MRPL1: variants seen among roughly 807,000 people sequenced by gnomAD.
MRPL1 encodes the protein mitochondrial ribosomal protein L1.
A neutral mutation model predicts 38.0 loss-of-function variants in MRPL1; 28 were observed. That is an observed-to-expected ratio of 0.74 (90% confidence interval 0.55 to 1.01). MRPL1 has a LOEUF of 1.01. MRPL1 is among the 50% of genes least tolerant of loss of function. The pLI, the probability that MRPL1 is intolerant of heterozygous loss-of-function variation, is 0.00. For missense variants in MRPL1, 358 were observed against 389.8 expected (o/e 0.92, Z 0.69); for synonymous variants, 123 against 126.7 (o/e 0.97, Z 0.20).
intron 5 of MRPL1, 64 bp downstream of exon 5, chr4:77,887,355 A>G (rs1338437800): frequency 3.8e-5 from 48 of 1,272,734 alleles, no homozygotes; most frequent in Admixed American, 2.4e-4. Context: ...CCATTCATTG[A>G]TCTGTTATAT....
rs759492096 is a variant in MRPL1, at chr4:77,949,861, A to C, written c.842A>C (p.His281Pro). ...GCAGTTATTAATGAAGTTTGTAGGC[A>C]CAGACCGCTGAATTTGGGTAAGTGG... ...LQAVINEVCR[H>P]RPLNLGPFVV... Residue 281 changes from histidine to proline, a missense_variant, in exon 8 of 9, where the codon CAC becomes CCC. By Grantham distance (77) the His-to-Pro change is moderately conservative (BLOSUM62 -2). Coordinates refer to ENST00000315567, the MANE Select transcript of MRPL1 (RefSeq NM_020236.4). 6.2e-7 allele frequency: 1 copy of C among 1,609,636 alleles called. No homozygotes were observed. The highest frequency in any genetic ancestry group is 8.5e-7 in the Non-Finnish European group (1 of 1,177,546).
intron 7 of MRPL1, among the ~76,000 whole-genome samples, chr4:77,941,967 A>G (rs1737140939): frequency 1.3e-5 from 2 of 151,650 alleles, no homozygotes; most frequent in Admixed American, 1.3e-4. Flanking sequence ...GTGACTTTAG[A>G]TTGTCTGTTT....
intron 7 of MRPL1, among the ~76,000 whole-genome samples, chr4:77,925,405 G>A (rs1193185341): frequency 1.3e-5 from 2 of 150,688 alleles, no homozygotes; most frequent in East Asian, 3.9e-4. Flanking sequence ...AGTCTGGAGT[G>A]CAGTGGTGTG....
intron 7 of MRPL1, among the ~76,000 whole-genome samples, chr4:77,949,013 C>T (rs1376766459): frequency 6.6e-6 from 1 of 152,144 alleles, no homozygotes; most frequent in Non-Finnish European, 1.5e-5. Context: ...TCAGGTGATT[C>T]GCCTGCCTTG....
chr4:77,874,424 T>TC (rs1448165119), intron 2 of MRPL1, among the ~76,000 whole-genome samples: 1 of 152,216 alleles, frequency 6.6e-6, no homozygotes, highest in Non-Finnish European at 1.5e-5. Context: ...ACATTTTTCT[T>TC]TCCATTCTTT....
intron 6 of MRPL1, among the ~76,000 whole-genome samples, chr4:77,894,747 G>A (rs1416842646): frequency 1.3e-5 from 2 of 152,096 alleles, no homozygotes; most frequent in Non-Finnish European, 2.9e-5. Context: ...GTGTTATAAA[G>A]TGTGAGGTAT....
At chr4:77,867,311 C>G (rs1735168769) in intron 1 of MRPL1, among the ~76,000 whole-genome samples, 1 of 152,176 alleles carries the variant, frequency 6.6e-6, no homozygotes, top group Non-Finnish European at 1.5e-5. Context: ...AATGGATCAT[C>G]AGAAAAATGG....
chr4:77,866,423 TTTACC>T (rs910955529), intron 1 of MRPL1, among the ~76,000 whole-genome samples: 5 of 152,236 alleles, frequency 3.3e-5, no homozygotes, highest in African/African-American at 1.2e-4. Context: ...ACTGTTTCTT[TTTACC>T]TTATATATTG....
At chr4:77,897,736 A>G (rs1735949459) in intron 6 of MRPL1, among the ~76,000 whole-genome samples, 1 of 152,232 alleles carries the variant, frequency 6.6e-6, no homozygotes, top group Non-Finnish European at 1.5e-5. Flanking sequence ...AACTCATAGA[A>G]TAGTACCTTG....
At chr4:77,866,965 C>A (rs1197155499) in intron 1 of MRPL1, among the ~76,000 whole-genome samples, 1 of 152,020 alleles carries the variant, frequency 6.6e-6, no homozygotes, top group African/African-American at 2.4e-5. Context: ...CCAGGCTGGT[C>A]TCGACCTCCT....
intron 7 of MRPL1, among the ~76,000 whole-genome samples, chr4:77,920,929 A>G (rs189124554): frequency 4.4e-3 from 662 of 152,012 alleles, no homozygotes; most frequent in Non-Finnish European, 7.8e-3. Flanking sequence ...ACATCCAGCT[A>G]ATTTTTTGTA....
chr4:77,939,250 G>A (rs779912152), intron 7 of MRPL1, among the ~76,000 whole-genome samples: 7 of 152,158 alleles, frequency 4.6e-5, no homozygotes, highest in Non-Finnish European at 1.0e-4. Flanking sequence ...GGGGTAAGGT[G>A]GTATCGCATT....
intron 7 of MRPL1, among the ~76,000 whole-genome samples, chr4:77,931,930 G>A (rs1411130084): frequency 2.0e-5 from 3 of 152,204 alleles, no homozygotes; most frequent in Non-Finnish European, 1.5e-5. Flanking sequence ...GCTGTGAGGA[G>A]ATGGACGCAG....
At chr4:77,885,390 C>T (rs1023445577) in intron 4 of MRPL1, 51 bp downstream of exon 4, 40 of 1,388,664 alleles carry the variant, frequency 2.9e-5, no homozygotes, top group African/African-American at 7.1e-5. Context: ...TTTTTTGAGA[C>T]GGAGTCTCAC....
Position 77,952,531 on chromosome 4 carries a change from A to C in MRPL1, c.902A>C (p.Glu301Ala). 1.2e-6 allele frequency: 2 copies of C among 1,613,332 alleles called. No individual in the cohort carries two copies. The highest frequency in any genetic ancestry group is 1.7e-6 in the Non-Finnish European group (2 of 1,179,744). ...VRAFLRSSTS[E>A]GLLLKIDPLL... ...GCTTTCCTTCGTAGTTCAACAAGTG[A>C]AGGTTTATTACTGAAGATTGATCCA... Residue 301 changes from glutamate (E) to alanine (A), a missense_variant, in exon 9 of 9, where the codon GAA (glutamate) becomes GCA (alanine). Glu to Ala is a moderately radical substitution (Grantham distance 107, BLOSUM62 -1). Transcript: ENST00000315567.
chr4:77,878,864 C>T (rs558351694), intron 2 of MRPL1, among the ~76,000 whole-genome samples: 2 of 152,060 alleles, frequency 1.3e-5, no homozygotes, highest in South Asian at 4.1e-4. Flanking sequence ...GGCAACAGAG[C>T]GAGACTCCGT....
chr4:77,920,681 C>T (rs746779590), intron 7 of MRPL1, among the ~76,000 whole-genome samples: 1 of 152,112 alleles, frequency 6.6e-6, no homozygotes, highest in Non-Finnish European at 1.5e-5. Context: ...TTTTATGTCC[C>T]GAACAAATTC....
intron 2 of MRPL1, among the ~76,000 whole-genome samples, chr4:77,880,729 C>T (rs1431959146): frequency 1.3e-5 from 2 of 152,126 alleles, no homozygotes; most frequent in Non-Finnish European, 2.9e-5. Flanking sequence ...TCTTATCTGC[C>T]ATTACCTGGT....
chr4:77,924,270 G>C (rs922759982), intron 7 of MRPL1, among the ~76,000 whole-genome samples: 1 of 151,968 alleles, frequency 6.6e-6, no homozygotes, highest in Non-Finnish European at 1.5e-5. Flanking sequence ...TTGATGTCAG[G>C]ATTATGAACT....
Sources: gnomAD v4.1 joint callset for allele counts (sites outside exome capture counted in the v4.1 genomes callset) on GRCh38, gnomAD v4.1.1 for gene constraint, MANE v1.5 for transcripts, NCBI Gene and HGNC (gene_info 2026-07-23, HGNC 2026-07-21) for gene names.